Variants in BFAR observed in about 807,000 individuals in gnomAD.
The protein encoded by BFAR is RING finger protein 47.
Under a neutral mutation model 54.4 loss-of-function variants are expected in BFAR, and 52 were observed. The observed-to-expected ratio is 0.96, with a 90% CI of 0.77 to 1.21. The LOEUF (loss-of-function observed/expected upper bound fraction) is 1.21. Among genes scored for constraint, BFAR ranks in the 50% most tolerant of loss-of-function variants. The pLI is 0.00. For missense variants in BFAR, 571 were observed against 534.0 expected, an observed-to-expected ratio of 1.07 and a Z score of -0.68; for synonymous variants, 215 against 204.3, an observed-to-expected ratio of 1.05 and a Z score of -0.45.
At chr16:14,643,637 G>T (rs1234296249) in intron 1 of BFAR, among the ~76,000 whole-genome samples, 2 of 152,198 alleles carry the variant, frequency 1.3e-5, no homozygotes, top group Non-Finnish European at 2.9e-5. Context: ...GGGCATAGTA[G>T]TGCACACCTG....
rs778602590 is a variant in BFAR at position 14,655,189 on chromosome 16, C to T, written c.762C>T (p.Pro254=). The T allele has an allele frequency of 6.5e-7, 1 of 1,540,202 alleles. No individual in the cohort carries two copies. Among genetic ancestry groups the T allele is most frequent in the Non-Finnish European group, 8.7e-7 (1 of 1,146,734 alleles). ...TCAAAGCATTAGGCGTGAAGCCCCC[C>T]CAGAATCTCTGGGAATATAAGGTGA... ...ERVKALGVKP[P]QNLWEYKAVN... Residue 254 remains proline (P), a synonymous_variant, in exon 5 of 8, where the codon CCC becomes CCT. Transcript: ENST00000261658.
intron 1 of BFAR, among the ~76,000 whole-genome samples, chr16:14,639,026 T>C (rs1959540708): frequency 6.6e-6 from 1 of 152,276 alleles, no homozygotes. Context: ...ATGATTGTAT[T>C]AATTGACTTT....
At chr16:14,639,325 T>C (rs1316567860) in intron 1 of BFAR, among the ~76,000 whole-genome samples, 1 of 151,940 alleles carries the variant, frequency 6.6e-6, no homozygotes, top group Non-Finnish European at 1.5e-5. Context: ...TTTTTTTTTT[T>C]CAGACAGAGT....
In BFAR at chr16:14,648,500, C is replaced by CA; in HGVS notation, c.377dup (p.Ile127AspfsTer6). On this transcript the variant is annotated frameshift_variant, in exon 3 of 8. Coordinates refer to ENST00000261658, the MANE Select transcript of BFAR (RefSeq NM_016561.3). LOFTEE classifies it high-confidence loss of function. ...AGCCTTTCAGAAATATGGGAATGAT[C>CA]AGATTCCTTTAGCTCCTAACACAGG... 1.2e-6 allele frequency: 2 copies of CA among 1,613,732 alleles called. No individual in the cohort carries two copies. The highest frequency in any genetic ancestry group is 1.7e-6 in the Non-Finnish European group (2 of 1,179,732).
intron 4 of BFAR, among the ~76,000 whole-genome samples, chr16:14,652,604 AAAT>A (rs1449484821): frequency 2.0e-5 from 3 of 152,100 alleles, no homozygotes; most frequent in African/African-American, 2.4e-5. Context: ...ATTTTTAAAA[AAAT>A]AATAACTATG....
intron 1 of BFAR, among the ~76,000 whole-genome samples, chr16:14,637,653 T>TG (rs993548893): frequency 1.7e-4 from 26 of 152,210 alleles, no homozygotes; most frequent in Non-Finnish European, 4.4e-5. Flanking sequence ...CTGGCCAACA[T>TG]GGTGAAACCC....
chr16:14,636,651 T>G (rs1596961941), intron 1 of BFAR, among the ~76,000 whole-genome samples: 1 of 152,204 alleles, frequency 6.6e-6, no homozygotes, highest in African/African-American at 2.4e-5. Context: ...GAGGCATGCC[T>G]TCCTCTTATG....
intron 4 of BFAR, 60 bp downstream of exon 4, chr16:14,650,033 A>G: frequency 2.0e-6 from 3 of 1,526,564 alleles, no homozygotes; most frequent in Admixed American, 1.9e-5. Context: ...TTCTTGAGAT[A>G]TAATCCAGGC....
Position 14,661,877 on chromosome 16 carries a change from T to C in BFAR, c.784-15T>C. ...CCATGGTTGTAATGTGGCCCTGTAC[T>C]CTTCTCCTCTGCAGGCTGTGAACCC... On this transcript the variant is annotated splice_polypyrimidine_tract_variant and intron_variant, in intron 5 of 7. Transcript: ENST00000261658. The C allele has an allele frequency of 6.2e-7, 1 of 1,613,958 alleles. No individual in the cohort carries two copies. The highest frequency in any genetic ancestry group is 8.5e-7 in the Non-Finnish European group (1 of 1,179,898).
intron 4 of BFAR, among the ~76,000 whole-genome samples, chr16:14,654,450 G>C (rs1047194111): frequency 2.0e-5 from 3 of 150,914 alleles, no homozygotes; most frequent in African/African-American, 7.3e-5. Context: ...ACAGACCTAG[G>C]AGTGCCTTGG....
intron 2 of BFAR, among the ~76,000 whole-genome samples, chr16:14,647,765 A>G (rs1000241805): frequency 1.3e-5 from 2 of 152,018 alleles, no homozygotes; most frequent in Non-Finnish European, 2.9e-5. Flanking sequence ...GCAGTTTACT[A>G]TTTTAAATCA....
intron 5 of BFAR, among the ~76,000 whole-genome samples, chr16:14,658,735 A>T (rs1307208857): frequency 1.3e-5 from 2 of 151,568 alleles, no homozygotes; most frequent in Non-Finnish European, 2.9e-5. Flanking sequence ...TCCATCTGAA[A>T]AAAAAAAAAG....
rs1319826521 is a variant in BFAR at position 14,668,003 on chromosome 16, A to C, written c.*176A>C. On this transcript the variant is annotated 3_prime_UTR_variant, in exon 8 of 8. Coordinates refer to ENST00000261658, the MANE Select transcript of BFAR (RefSeq NM_016561.3). ...TCCCCCTCAGCCTGTGGGTGGCACG[A>C]GCAAGGACTGACATCCGCACAGGGA... The C allele has an allele frequency of 1.5e-6, 1 of 653,244 alleles. No individual in the cohort carries two copies. Among genetic ancestry groups the C allele is most frequent in the Non-Finnish European group, 2.6e-6 (1 of 387,920 alleles). The allele number at this position is 653,244 out of a possible 1,614,324, so 40.5% of individuals were successfully genotyped here. A position where few individuals can be genotyped will look rare whatever the true frequency, so the allele number is the denominator to read the frequency against.
Position 14,655,172 on chromosome 16 carries a change from T to G in BFAR, c.745T>G (p.Leu249Val). The change falls in exon 5 of 8, where the codon TTA (leucine) becomes GTA (valine). Residue 249 changes from leucine (L) to valine (V), a missense_variant. By Grantham distance (32) the Leu-to-Val change is conservative (BLOSUM62 1). Transcript: ENST00000261658. ...CATGGAGCTAGAACGTGTCAAAGCA[T>G]TAGGCGTGAAGCCCCCCCAGAATCT... is the stretch of plus-strand genomic sequence containing the variant. Reference protein sequence around the residue: ...ILMELERVKALGVKPPQNLWE... With the variant: ...ILMELERVKAVGVKPPQNLWE... 6.3e-7 allele frequency: 1 copy of G among 1,585,896 alleles called. No individual in the cohort carries two copies. Among genetic ancestry groups the G allele is most frequent in the Non-Finnish European group, 8.6e-7 (1 of 1,167,126 alleles).
At chr16:14,642,123 G>A (rs1039682591) in intron 1 of BFAR, among the ~76,000 whole-genome samples, 4 of 152,206 alleles carry the variant, frequency 2.6e-5, no homozygotes, top group African/African-American at 9.7e-5. Flanking sequence ...AGAGCATGAA[G>A]CGTGAGCCCT....
At chr16:14,636,462 C>T (rs779117730) in intron 1 of BFAR, among the ~76,000 whole-genome samples, 23 of 152,342 alleles carry the variant, frequency 1.5e-4, no homozygotes, top group Non-Finnish European at 2.9e-4. Flanking sequence ...GATATGCATA[C>T]ACATAAACAT....
intron 6 of BFAR, 79 bp downstream of exon 6, chr16:14,662,144 A>G (rs1960309348): frequency 3.3e-6 from 5 of 1,515,972 alleles, no homozygotes; most frequent in Non-Finnish European, 4.5e-6. Flanking sequence ...CATGGGTGCC[A>G]TGTTTCTTCA....
rs528596737 is a variant in BFAR at position 14,668,835 on chromosome 16, TA to T, written c.*1024del. 6,010 of 157,632 alleles carry T rather than the reference TA, an allele frequency of 0.038. No individual in the cohort carries two copies. The highest frequency in any genetic ancestry group is 0.15 in the South Asian group (1,309 of 8,724). 9.8% of individuals were successfully genotyped at this position (157,632 alleles called of 1,614,324 possible). A position where few individuals can be genotyped will look rare whatever the true frequency, so the allele number is the denominator to read the frequency against. ...TGGGTGACAGAGGGAGACTCTGTCT[TA>T]AAAAAAAAAAAAAAATCATCTGTAA... On this transcript the variant is annotated 3_prime_UTR_variant, in exon 8 of 8. Transcript: ENST00000261658.
chr16:14,654,390 A>G (rs1960061572), intron 4 of BFAR, among the ~76,000 whole-genome samples: 1 of 151,934 alleles, frequency 6.6e-6, no homozygotes, highest in South Asian at 2.1e-4. Flanking sequence ...ATAGAGTAAT[A>G]TGTGAGAGGT....
Sources: allele counts gnomAD v4.1 joint callset (sites outside exome capture counted in the v4.1 genomes callset), GRCh38; gene constraint gnomAD v4.1.1; transcripts MANE v1.5; gene names NCBI Gene and HGNC (gene_info 2026-07-23, HGNC 2026-07-21).